Variants in NOS1AP observed in about 807,000 individuals in gnomAD.
NOS1AP encodes the protein nitric oxide synthase 1 adaptor protein.
A neutral mutation model predicts 56.2 loss-of-function variants in NOS1AP; 21 were observed. That is an observed-to-expected ratio of 0.37 (90% CI 0.26 to 0.54). The LOEUF is 0.54. Among genes scored for constraint, NOS1AP ranks in the 20% least tolerant of loss-of-function variants. NOS1AP has a pLI of 0.84. For missense variants in NOS1AP, 522 were observed against 657.8 expected (o/e 0.79, Z 2.26); for synonymous variants, 270 against 274.6 (o/e 0.98, Z 0.17).
intron 6 of NOS1AP, among the ~76,000 whole-genome samples, chr1:162,354,969 T>C (rs1259321579): frequency 6.6e-6 from 1 of 152,222 alleles, no homozygotes; most frequent in Non-Finnish European, 1.5e-5. Flanking sequence ...TGAGGAAGTA[T>C]TGCCTTTTTT....
intron 2 of NOS1AP, among the ~76,000 whole-genome samples, chr1:162,231,028 T>C (rs1653106924): frequency 1.3e-5 from 2 of 152,222 alleles, no homozygotes; most frequent in Admixed American, 1.3e-4. Flanking sequence ...TGCTGGATCA[T>C]ATAGTAATTC....
chr1:162,298,241 C>T (rs1655534970), intron 3 of NOS1AP, among the ~76,000 whole-genome samples: 2 of 152,234 alleles, frequency 1.3e-5, no homozygotes, highest in East Asian at 1.9e-4. Context: ...GTGCCAGGCT[C>T]ATCTTCCCTG....
chr1:162,177,486 A>T (rs1187965550), intron 2 of NOS1AP, among the ~76,000 whole-genome samples: 1 of 152,064 alleles, frequency 6.6e-6, no homozygotes, highest in Non-Finnish European at 1.5e-5. Context: ...CACTGGCATG[A>T]AGGGAACCAG....
intron 2 of NOS1AP, among the ~76,000 whole-genome samples, chr1:162,158,734 T>C (rs1235580842): frequency 6.6e-6 from 1 of 152,140 alleles, no homozygotes; most frequent in Non-Finnish European, 1.5e-5. Flanking sequence ...ATTAGGTTTT[T>C]CCATATATTA....
At position 162,344,744 on chromosome 1, in the gene NOS1AP, G is replaced by GA. The variant is rs1365650136; in HGVS notation, c.595+774dup. The stretch of plus-strand genomic sequence containing the variant: ...AAGTCAGGAAGGAGACAATAAATGT[G>GA]AAAAAATGAAGTATGGGCAAGAAAA... On this transcript the variant is annotated intron_variant, in intron 6 of 9. Coordinates refer to ENST00000361897, the MANE Select transcript of NOS1AP (RefSeq NM_014697.3). Among the ~76,000 whole-genome samples, 13 of 151,084 alleles carry GA rather than the reference G, an allele frequency of 8.6e-5. 1 individual carries two copies. The highest frequency in any genetic ancestry group is 4.2e-4 in the South Asian group (2 of 4,798).
At chr1:162,205,614 G>T (rs556916312) in intron 2 of NOS1AP, among the ~76,000 whole-genome samples, 4 of 152,292 alleles carry the variant, frequency 2.6e-5, no homozygotes, top group African/African-American at 7.2e-5. Flanking sequence ...TAATGTAATG[G>T]TTTTTCCGGG....
At chr1:162,355,958 G>T (rs557018662) in intron 7 of NOS1AP, among the ~76,000 whole-genome samples, 2 of 152,144 alleles carry the variant, frequency 1.3e-5, no homozygotes, top group East Asian at 3.8e-4. Flanking sequence ...CCAACCTGAA[G>T]CCAAAGCTAA....
At chr1:162,345,235 C>A (rs1393591217) in intron 6 of NOS1AP, among the ~76,000 whole-genome samples, 2 of 151,260 alleles carry the variant, frequency 1.3e-5, no homozygotes, top group African/African-American at 4.9e-5. Context: ...ATACATGTGC[C>A]GTGCTGGTGC....
Position 162,193,717 on chromosome 1 carries a change from G to A in NOS1AP, c.177+39241G>A, listed in dbSNP as rs78793893. Among the ~76,000 whole-genome samples, 424 of 152,156 alleles carry A rather than the reference G, an allele frequency of 2.8e-3. 3 individuals are homozygous for A. Among genetic ancestry groups the A allele is most frequent in the African/African-American group, 9.8e-3 (406 of 41,540 alleles). ...AGAATGTCTCCTGATTTTAGAGGGG[G>A]CCAGGGAAAAGGGGCCCTTTTCAGA... On this transcript the variant is annotated intron_variant, in intron 2 of 9. Coordinates refer to ENST00000361897, the MANE Select transcript of NOS1AP (RefSeq NM_014697.3).
In NOS1AP at chr1:162,367,266, G is replaced by GC. The variant is rs1305755004; in HGVS notation, c.1325dup (p.Ala443SerfsTer60). ...GCTTTCTTCCGCCCGAGGACACCCCGCCCCCAGCGCAGGGCGAGGCGCTCC... is the reference window on the plus strand; with the variant it reads ...GCTTTCTTCCGCCCGAGGACACCCCGCCCCCCAGCGCAGGGCGAGGCGCTCC... On this transcript the variant is annotated frameshift_variant, in exon 10 of 10. Coordinates refer to ENST00000361897, the MANE Select transcript of NOS1AP (RefSeq NM_014697.3). LOFTEE classifies it high-confidence loss of function. This position sits in a 1 kb window ranked among gnomAD's most constrained non-coding sequence, Gnocchi z 6.5. 1.2e-6 allele frequency: 2 copies of GC among 1,613,564 alleles called. No homozygotes were observed. Among genetic ancestry groups the GC allele is most frequent in the Non-Finnish European group, 1.7e-6 (2 of 1,179,940 alleles).
At chr1:162,190,588 ACATTTAT>A (rs147296748) in intron 2 of NOS1AP, among the ~76,000 whole-genome samples, 5,695 of 152,198 alleles carry the variant, frequency 0.037, 153 homozygotes, top group Middle Eastern at 0.082. Flanking sequence ...ATAATCTCAA[ACATTTAT>A]CATTTCCTTG....
chr1:162,334,209 C>T (rs1858233), intron 5 of NOS1AP, among the ~76,000 whole-genome samples: 65,186 of 152,066 alleles, frequency 0.43, 14,319 homozygotes, highest in East Asian at 0.6. Context: ...TTAACTTAGC[C>T]TCTTCCTCTA....
At chr1:162,178,997 A>AG (rs1044522037) in intron 2 of NOS1AP, among the ~76,000 whole-genome samples, 6 of 151,762 alleles carry the variant, frequency 4.0e-5, no homozygotes, top group Non-Finnish European at 7.4e-5. Flanking sequence ...GTGGGGGTTG[A>AG]GGGGGGTGGT....
At chr1:162,157,646 CATGTGTGTGAG>C (rs1198620386) in intron 2 of NOS1AP, among the ~76,000 whole-genome samples, 1 of 152,180 alleles carries the variant, frequency 6.6e-6, no homozygotes, top group Admixed American at 6.5e-5. Flanking sequence ...ATAAGGATCA[CATGTGTGTGAG>C]ATGTCAACCT....
intron 4 of NOS1AP, among the ~76,000 whole-genome samples, chr1:162,306,061 C>T (rs1181802604): frequency 6.6e-6 from 1 of 152,116 alleles, no homozygotes. Flanking sequence ...GGATTTGGAC[C>T]TGTACAATTT....
At chr1:162,251,652 A>G (rs1358083930) in intron 2 of NOS1AP, among the ~76,000 whole-genome samples, 4 of 146,480 alleles carry the variant, frequency 2.7e-5, no homozygotes, top group Non-Finnish European at 6.1e-5. Context: ...GTGTATAAAT[A>G]TATATATATG....
rs1477530342 is a variant in NOS1AP at position 162,369,619 on chromosome 1, G to A, written c.*2152G>A. The A allele has an allele frequency of 1.3e-5, 2 of 152,324 alleles. No individual in the cohort carries two copies. The highest frequency in any genetic ancestry group is 4.8e-5 in the African/African-American group (2 of 41,432). 9.4% of individuals were successfully genotyped at this position (152,324 alleles called of 1,614,324 possible). A position where few individuals can be genotyped will look rare whatever the true frequency, so the allele number is the denominator to read the frequency against. On this transcript the variant is annotated 3_prime_UTR_variant, in exon 10 of 10. Transcript: ENST00000361897. ...TGTAAAAACTTGAGATTGGATAGACGAAAGGAAATGGAGAAATTAAAGAAT... is the reference window on the plus strand; with the variant it reads ...TGTAAAAACTTGAGATTGGATAGACAAAAGGAAATGGAGAAATTAAAGAAT...
chr1:162,228,635 C>T (rs1314408769), intron 2 of NOS1AP, among the ~76,000 whole-genome samples: 2 of 152,190 alleles, frequency 1.3e-5, no homozygotes, highest in Admixed American at 1.3e-4. Flanking sequence ...GGCAATAGAC[C>T]AGCGCCCAGC....
chr1:162,196,150 C>T (rs1651798939), intron 2 of NOS1AP, among the ~76,000 whole-genome samples: 1 of 152,122 alleles, frequency 6.6e-6, no homozygotes, highest in Non-Finnish European at 1.5e-5. Context: ...CACTCTCTTA[C>T]CAGTTCTTGG....
Sources: gnomAD v4.1 joint callset for allele counts (sites outside exome capture counted in the v4.1 genomes callset) on GRCh38, gnomAD v4.1.1 for gene constraint, Gnocchi (gnomAD v3.1) non-coding constraint, MANE v1.5 for transcripts, NCBI Gene and HGNC (gene_info 2026-07-23, HGNC 2026-07-21) for gene names.